SYNE1: variants seen among roughly 807,000 people sequenced by gnomAD.
SYNE1 encodes nesprin-1.
In SYNE1, 616 loss-of-function variants were observed where a neutral mutation model predicts 1,111.0. That is an observed-to-expected ratio of 0.55 (90% CI 0.52 to 0.59). The LOEUF is 0.59. Ranked by LOEUF, SYNE1 falls within the 20% of genes least tolerant of loss-of-function variation. The pLI is 0.00. For missense variants in SYNE1, 10,006 were observed against 10,417.0 expected, an observed-to-expected ratio of 0.96 and a Z score of 1.72; for synonymous variants, 3,855 against 3,825.8, an observed-to-expected ratio of 1.01 and a Z score of -0.28.
chr6:152,222,578 A>T (rs1038405948), intron 117 of SYNE1, among the ~76,000 whole-genome samples: 1 of 152,254 alleles, frequency 6.6e-6, no homozygotes, highest in Admixed American at 6.5e-5. Flanking sequence ...TTTGTAGGGT[A>T]CTATATGATG....
intron 95 of SYNE1, among the ~76,000 whole-genome samples, chr6:152,289,162 G>A (rs761147393): frequency 2.0e-5 from 3 of 152,118 alleles, no homozygotes; most frequent in Non-Finnish European, 4.4e-5. Flanking sequence ...ATAACTCTGA[G>A]TATAAGAGCT....
In SYNE1 at chr6:152,350,751, A is replaced by G; in HGVS notation, c.11600T>C (p.Leu3867Pro). The change falls in exon 71 of 146, where the codon CTG becomes CCG. Residue 3867 changes from leucine (L) to proline (P), a missense_variant. Transcript: ENST00000367255. ...TGACTTTACTGATGGTTCATGGGAC[A>G]GCACCGTTTGTTGAAGTGACTTGAA... The part of the protein sequence containing the change: ...SKYKSLQQTV[L>P]SHEPSVKSVR... The G allele has an allele frequency of 6.2e-7, 1 of 1,612,410 alleles. No homozygotes were observed. The highest frequency in any genetic ancestry group is 8.5e-7 in the Non-Finnish European group (1 of 1,179,708).
At chr6:152,501,688 T>C (rs1424877217) in intron 10 of SYNE1, among the ~76,000 whole-genome samples, 3 of 151,840 alleles carry the variant, frequency 2.0e-5, no homozygotes, top group Non-Finnish European at 2.9e-5. Flanking sequence ...TGAGCCAAGA[T>C]TGTGCTACTG....
At chr6:152,541,577 C>A (rs538280977) in intron 3 of SYNE1, among the ~76,000 whole-genome samples, 1 of 151,538 alleles carries the variant, frequency 6.6e-6, no homozygotes, top group East Asian at 1.9e-4. Flanking sequence ...TGAAACCCTG[C>A]CTCTACTAAA....
At chr6:152,370,193 A>G (rs1276819793) in intron 59 of SYNE1, among the ~76,000 whole-genome samples, 1 of 151,958 alleles carries the variant, frequency 6.6e-6, no homozygotes, top group East Asian at 1.9e-4. Context: ...CTTCTAGAGC[A>G]TTTGTTGTCT....
At chr6:152,601,594 T>C (rs1249479039) in intron 3 of SYNE1, among the ~76,000 whole-genome samples, 1 of 152,130 alleles carries the variant, frequency 6.6e-6, no homozygotes, top group East Asian at 1.9e-4. Flanking sequence ...GCTGAACAGG[T>C]ATGGGTAAAA....
intron 46 of SYNE1, 30 bp downstream of exon 46, chr6:152,404,183 G>T: frequency 6.6e-7 from 1 of 1,511,908 alleles, no homozygotes; most frequent in Non-Finnish European, 9.2e-7. Flanking sequence ...AAAATGGATG[G>T]AAGTCTAGTA....
At chr6:152,386,595 A>G (rs1451022532) in intron 54 of SYNE1, among the ~76,000 whole-genome samples, 1 of 152,204 alleles carries the variant, frequency 6.6e-6, no homozygotes, top group Admixed American at 6.5e-5. Context: ...AGAGAATTGG[A>G]AAGATATTTT....
intron 121 of SYNE1, among the ~76,000 whole-genome samples, chr6:152,215,533 T>C (rs999379244): frequency 1.3e-5 from 2 of 152,174 alleles, no homozygotes; most frequent in Non-Finnish European, 2.9e-5. Context: ...CAGAACTGAT[T>C]AAGGATGAAA....
chr6:152,449,615 G>T lies in SYNE1; in HGVS notation c.3422C>A (p.Ser1141Tyr). ...CCCCTTTAATTGTGTCTCATTTGTA[G>T]ATATCCAAGATGAGAACTCAGAGAA... ...SRFSEFSSWI[S>Y]TNETQLKGIK... Residue 1141 changes from serine to tyrosine, a missense_variant, in exon 28 of 146, where the codon TCT (serine) becomes TAT (tyrosine). Physicochemically the swap from Ser to Tyr is moderately radical, Grantham distance 144 (BLOSUM62 -2). Around this residue, in one of 7 missense-constraint regions of SYNE1, gnomAD observed 1,971 missense variants for 2,084.1 expected, o/e 0.95. Coordinates refer to ENST00000367255, the MANE Select transcript of SYNE1 (RefSeq NM_182961.4). 1 of 1,613,688 alleles carries T rather than the reference G, an allele frequency of 6.2e-7. No homozygotes were observed. Among genetic ancestry groups the T allele is most frequent in the Non-Finnish European group, 8.5e-7 (1 of 1,179,682 alleles).
intron 3 of SYNE1, among the ~76,000 whole-genome samples, chr6:152,548,193 A>G (rs1371447772): frequency 3.9e-5 from 6 of 152,224 alleles, no homozygotes; most frequent in Non-Finnish European, 8.8e-5. Flanking sequence ...AGAATGCACT[A>G]CAGACAAGTT....
intron 3 of SYNE1, among the ~76,000 whole-genome samples, chr6:152,599,751 C>T (rs2099591705): frequency 6.6e-6 from 1 of 152,204 alleles, no homozygotes; most frequent in East Asian, 1.9e-4. Flanking sequence ...ATTTTCTTTA[C>T]ATTGCTATGT....
In SYNE1 at chr6:152,533,690, G is replaced by A. The variant is rs1325536306; in HGVS notation, c.129+6270C>T. On this transcript the variant is annotated intron_variant, in intron 4 of 145. Coordinates refer to ENST00000367255, the MANE Select transcript of SYNE1 (RefSeq NM_182961.4). ...GCTTCTCTTCAGTCTACGTTCAGCAGAAGAGCTTCTTGATCTTCTTTACTG... is the reference window on the plus strand; with the variant it reads ...GCTTCTCTTCAGTCTACGTTCAGCAAAAGAGCTTCTTGATCTTCTTTACTG... Among the ~76,000 whole-genome samples, 3 of 152,036 alleles carry A rather than the reference G, an allele frequency of 2.0e-5. No individual in the cohort carries two copies. The East Asian group carries it at 5.8e-4, about 29-fold the overall frequency.
chr6:152,311,158 C>G (rs563579691), intron 87 of SYNE1: 1 of 464,424 alleles, frequency 2.2e-6, no homozygotes, highest in South Asian at 2.2e-5. Flanking sequence ...GCTGCCCCCT[C>G]GTGAGAACAG....
At chr6:152,224,695 T>C in intron 116 of SYNE1, 31 bp from the exon 117 acceptor site, 1 of 1,597,604 alleles carries the variant, frequency 6.3e-7, no homozygotes, top group Non-Finnish European at 8.6e-7. Context: ...GGCTTATAAT[T>C]TCATAATATC....
chr6:152,161,434 T>C (rs940992679), intron 131 of SYNE1, among the ~76,000 whole-genome samples: 13 of 151,676 alleles, frequency 8.6e-5, no homozygotes, highest in Admixed American at 2.0e-4. Context: ...CTATTTTTCA[T>C]ATATTTATCT....
Position 152,232,217 on chromosome 6 carries a change from T to G in SYNE1, c.20761A>C (p.Ser6921Arg). The G allele has an allele frequency of 6.2e-7, 1 of 1,614,016 alleles. No individual in the cohort carries two copies. Among genetic ancestry groups the G allele is most frequent in the African/African-American group, 1.3e-5 (1 of 75,040 alleles). The change falls in exon 113 of 146, where the codon AGT becomes CGT. Residue 6921 changes from serine (S) to arginine (R), a missense_variant. Transcript: ENST00000367255. ...ACATTTTCCATTAGAGAAATCCAAC[T>G]CATGACTTCAGAAATGGCATGGCGG... ...PSRHAISEVMSWISLMENVIQ... is the reference protein window; with the variant it reads ...PSRHAISEVMRWISLMENVIQ...
Position 152,132,134 on chromosome 6 carries a change from G to C in SYNE1, c.26082C>G (p.Asn8694Lys), listed in dbSNP as rs2055903275. 2.5e-6 allele frequency: 4 copies of C among 1,614,134 alleles called. No individual in the cohort carries two copies. Among genetic ancestry groups the C allele is most frequent in the Non-Finnish European group, 2.5e-6 (3 of 1,179,984 alleles). ...AGTGGAAAGTTACCGTTTTCTGTCT[G>C]TTTGGGGTGCTCCTTCCTGATGTGG... ...VSPTSGRSTP[N>K]RQKTPRGKCS... is the part of the protein sequence containing the mutation. The change falls in exon 144 of 146, where the codon AAC becomes AAG. Residue 8694 changes from asparagine to lysine, a missense_variant. By Grantham distance (94) the Asn-to-Lys change is moderately conservative. Transcript: ENST00000367255.
Position 152,308,361 on chromosome 6 carries a change from C to A in SYNE1, c.17346+128G>T, listed in dbSNP as rs373616705. On this transcript the variant is annotated intron_variant, in intron 91 of 145. Coordinates refer to ENST00000367255, the MANE Select transcript of SYNE1 (RefSeq NM_182961.4). ...CACAATGCTTAGATAGCCAAAGAGGCCTCTCAAGAGTTGAACACATTAAGT... is the reference window on the plus strand; with the variant it reads ...CACAATGCTTAGATAGCCAAAGAGGACTCTCAAGAGTTGAACACATTAAGT... 282 of 1,312,156 alleles carry A rather than the reference C, an allele frequency of 2.1e-4. 3 individuals are homozygous for A. In the South Asian group the frequency reaches 3.6e-3, roughly 17 times the overall value. 81.3% of individuals were successfully genotyped at this position (1,312,156 alleles called of 1,614,324 possible).
Sources: allele counts gnomAD v4.1 joint callset (sites outside exome capture counted in the v4.1 genomes callset), GRCh38; gene constraint gnomAD v4.1.1; regional missense constraint gnomAD v4.1.1; transcripts MANE v1.5; gene names NCBI Gene and HGNC (gene_info 2026-07-23, HGNC 2026-07-21).